The following TRPM6 variants were observed in gnomAD, a reference collection of about 807,000 sequenced individuals.
TRPM6 encodes the protein channel kinase 2.
Under a neutral mutation model 247.6 loss-of-function variants are expected in TRPM6, and 111 were observed. That is an observed-to-expected ratio of 0.45 (90% CI 0.38 to 0.52). The LOEUF is 0.52. Among genes scored for constraint, TRPM6 ranks in the 20% least tolerant of loss-of-function variants. TRPM6 has a pLI of 0.00. For synonymous variants in TRPM6, 892 were observed against 853.8 expected, an observed-to-expected ratio of 1.04 and a Z score of -0.78; for missense variants, 2,126 against 2,421.5, an observed-to-expected ratio of 0.88 and a Z score of 2.56.
chr9:74,836,530 T>G (rs144825992), intron 5 of TRPM6, among the ~76,000 whole-genome samples: 1 of 152,138 alleles, frequency 6.6e-6, no homozygotes, highest in Non-Finnish European at 1.5e-5. Context: ...AGATTCTGAT[T>G]CCATGGTTTG....
chr9:74,752,115 A>T (rs996134681), intron 29 of TRPM6, among the ~76,000 whole-genome samples, 162 bp downstream of exon 29: 1 of 152,220 alleles, frequency 6.6e-6, no homozygotes, highest in African/African-American at 2.4e-5. Flanking sequence ...GATTGAAAAA[A>T]TAGAACAGAA....
At position 74,887,876 on chromosome 9, in the gene TRPM6, C is replaced by T. The variant is rs748181927; in HGVS notation, c.-20G>A. On this transcript the variant is annotated 5_prime_UTR_variant, in exon 1 of 39. Transcript: ENST00000360774. Reference sequence around the variant, plus strand: ...TTTCATCTTTGATTTGCAGGCCCTGCTCCCAAAGCCCTGTCTGAGCTTTTA... The same window carrying T: ...TTTCATCTTTGATTTGCAGGCCCTGTTCCCAAAGCCCTGTCTGAGCTTTTA... 3 of 1,614,052 alleles carry T rather than the reference C, an allele frequency of 1.9e-6. No individual in the cohort carries two copies. The highest frequency in any genetic ancestry group is 1.1e-5 in the South Asian group (1 of 91,076).
intron 24 of TRPM6, among the ~76,000 whole-genome samples, chr9:74,773,431 C>A (rs1290782268): frequency 6.6e-6 from 1 of 152,146 alleles, no homozygotes; most frequent in Non-Finnish European, 1.5e-5. Flanking sequence ...CAGCTGTATA[C>A]CTTCTCTGAC....
intron 38 of TRPM6, 109 bp from the exon 39 acceptor site, chr9:74,724,855 CCT>C: frequency 7.2e-7 from 1 of 1,397,194 alleles, no homozygotes; most frequent in Non-Finnish European, 1.0e-6. Flanking sequence ...ATCTCCTCTT[CCT>C]CAGACCATAG....
intron 3 of TRPM6, 140 bp from the exon 4 acceptor site, chr9:74,842,483 A>C: frequency 1.1e-6 from 1 of 871,824 alleles, no homozygotes; most frequent in Non-Finnish European, 1.8e-6. Flanking sequence ...AATTTCTAAC[A>C]TAGGACTGTC....
chr9:74,779,147 T>TGCA (rs1827328626), intron 23 of TRPM6, among the ~76,000 whole-genome samples: 1 of 152,142 alleles, frequency 6.6e-6, no homozygotes, highest in Non-Finnish European at 1.5e-5. Context: ...CATAGTGGCA[T>TGCA]GCACCTGTGG....
At chr9:74,824,026 C>A (rs1390285358) in intron 7 of TRPM6, among the ~76,000 whole-genome samples, 1 of 151,810 alleles carries the variant, frequency 6.6e-6, no homozygotes, top group African/African-American at 2.4e-5. Flanking sequence ...CTGTCCCTTT[C>A]TTCTGTTATA....
rs915251477 is a variant in TRPM6, at chr9:74,737,368, T to C, written c.5776+1039A>G. ...TTGCAGTCTTACCGGACATTGCTCA[T>C]GATGCCCCAGGACTGTCTGCTTATC... On this transcript the variant is annotated intron_variant, in intron 36 of 38. Coordinates refer to ENST00000360774, the MANE Select transcript of TRPM6 (RefSeq NM_017662.5). 7 of 1,288,978 alleles carry C rather than the reference T, an allele frequency of 5.4e-6. No individual in the cohort carries two copies. The East Asian group carries it at 1.7e-4, about 31-fold the overall frequency. 79.8% of individuals were successfully genotyped at this position (1,288,978 alleles called of 1,614,324 possible).
chr9:74,799,642 GA>G (rs1236753995), intron 17 of TRPM6, among the ~76,000 whole-genome samples: 31 of 151,888 alleles, frequency 2.0e-4, no homozygotes, highest in Non-Finnish European at 3.5e-4. Context: ...CTTACACCGA[GA>G]AAAAAATTCA....
chr9:74,887,526 C>T (rs992575850), intron 1 of TRPM6: 26 of 1,263,180 alleles, frequency 2.1e-5, no homozygotes, highest in Non-Finnish European at 2.8e-5. Context: ...CGAGCTGAAC[C>T]CCCGACCCCC....
intron 8 of TRPM6, 53 bp from the exon 9 acceptor site, chr9:74,820,480 C>A: frequency 6.2e-7 from 1 of 1,610,626 alleles, no homozygotes; most frequent in Admixed American, 1.7e-5. Context: ...AATGAGCCGG[C>A]AACATCAGTA....
intron 30 of TRPM6, 139 bp from the exon 31 acceptor site, chr9:74,748,053 TAC>T: frequency 1.3e-6 from 1 of 782,874 alleles, no homozygotes; most frequent in East Asian, 2.6e-5. Context: ...TACAGTCATG[TAC>T]TGCCTAATGA....
At chr9:74,775,130 TAA>T (rs1021519912) in intron 24 of TRPM6, among the ~76,000 whole-genome samples, 4 of 152,204 alleles carry the variant, frequency 2.6e-5, no homozygotes, top group African/African-American at 7.2e-5. Context: ...AAGATCTGGC[TAA>T]ACAAGATGAA....
chr9:74,827,919 G>T lies in TRPM6; in HGVS notation c.700C>A (p.Pro234Thr). Residue 234 changes from proline (P) to threonine (T), a missense_variant, in exon 7 of 39, where the codon CCC (proline) becomes ACC (threonine). Around this residue, in one of 3 missense-constraint regions of TRPM6, gnomAD observed 1,082 missense variants for 1,307.9 expected, o/e 0.83. Transcript: ENST00000360774. ...VVCLYQTLDN[P>T]LSKLTTLNSM... Reference sequence around the variant, plus strand: ...TTGAGTGTTGTGAGCTTGCTGAGGGGGTTATCCAGAGTCTGGTACAGGCAC... The same window carrying T: ...TTGAGTGTTGTGAGCTTGCTGAGGGTGTTATCCAGAGTCTGGTACAGGCAC... The T allele has an allele frequency of 6.2e-7, 1 of 1,614,052 alleles. No homozygotes were observed. Among genetic ancestry groups the T allele is most frequent in the East Asian group, 2.2e-5 (1 of 44,872 alleles).
At chr9:74,761,891 G>T in intron 26 of TRPM6, 83 bp from the exon 27 acceptor site, 1 of 1,500,682 alleles carries the variant, frequency 6.7e-7, no homozygotes, top group Non-Finnish European at 9.3e-7. Context: ...GAGAGAATGG[G>T]GAGAATGACA....
At chr9:74,744,963 CTG>C (rs549492745) in intron 31 of TRPM6, among the ~76,000 whole-genome samples, 2 of 152,174 alleles carry the variant, frequency 1.3e-5, no homozygotes, top group South Asian at 2.1e-4. Flanking sequence ...GCAGAAAAGA[CTG>C]TTTCTTTCTG....
rs938178631 is a variant in TRPM6, at chr9:74,762,316, T to C, written c.4355A>G (p.Tyr1452Cys). Reference sequence around the variant, plus strand: ...ACCTTCTGAAAATGCCCAGTTTACATATCCACCTCCAGTTTGCATGATCTT... The same window carrying C: ...ACCTTCTGAAAATGCCCAGTTTACACATCCACCTCCAGTTTGCATGATCTT... Reference protein sequence around the residue: ...QAKIMQTGGGYVNWAFSEGDE... With the variant: ...QAKIMQTGGGCVNWAFSEGDE... Residue 1452 changes from tyrosine to cysteine, a missense_variant, in exon 26 of 39, where the codon TAT becomes TGT. Coordinates refer to ENST00000360774, the MANE Select transcript of TRPM6 (RefSeq NM_017662.5). 3 of 1,614,252 alleles carry C rather than the reference T, an allele frequency of 1.9e-6. No individual in the cohort carries two copies. Among genetic ancestry groups the C allele is most frequent in the Non-Finnish European group, 1.7e-6 (2 of 1,180,044 alleles).
chr9:74,788,673 C>A lies in TRPM6; in HGVS notation c.2608G>T (p.Val870Leu), dbSNP rs180963446. Residue 870 changes from valine (V) to leucine (L), a missense_variant, in exon 20 of 39, where the codon GTG (valine) becomes TTG (leucine). Val to Leu is a conservative substitution (Grantham distance 32). Coordinates refer to ENST00000360774, the MANE Select transcript of TRPM6 (RefSeq NM_017662.5). ...VLVEMQPQPS[V>L]QEWLVSIYIF... ...TAAATGCTAACAAGCCACTCCTGCA[C>A]GCTGGGCTGGGGCTGCATCTCCACC... 27 of 1,613,934 alleles carry A rather than the reference C, an allele frequency of 1.7e-5. No individual in the cohort carries two copies. The highest frequency in any genetic ancestry group is 5.9e-6 in the Non-Finnish European group (7 of 1,179,970).
Position 74,742,556 on chromosome 9 carries a change from C to T in TRPM6, c.5200+5G>A. On this transcript the variant is annotated splice_donor_5th_base_variant and intron_variant, in intron 33 of 38. Coordinates refer to ENST00000360774, the MANE Select transcript of TRPM6 (RefSeq NM_017662.5). ...TAAACTCAAGAAGGTAGAAATGCTA[C>T]TCACCAAACAGTTGGACTGGTGTAA... 6.2e-7 allele frequency: 1 copy of T among 1,613,544 alleles called. No individual in the cohort carries two copies. Among genetic ancestry groups the T allele is most frequent in the Non-Finnish European group, 8.5e-7 (1 of 1,179,558 alleles).
Sources: gnomAD v4.1 joint callset for allele counts (sites outside exome capture counted in the v4.1 genomes callset) on GRCh38, gnomAD v4.1.1 for gene constraint, gnomAD v4.1.1 regional missense constraint, MANE v1.5 for transcripts, NCBI Gene and HGNC (gene_info 2026-07-23, HGNC 2026-07-21) for gene names.